ST6GALNAC3: variants seen among roughly 807,000 people sequenced by gnomAD.
ST6GALNAC3 encodes the protein ST6 N-acetylgalactosaminide alpha-2,6-sialyltransferase 3, also known as alpha-N-acetylgalactosaminide alpha-2,6-sialyltransferase 3.
ST6GALNAC3 carries 25 observed loss-of-function variants against 32.7 expected under a neutral mutation model. The ratio of observed to expected loss-of-function variants is 0.76; its 90% CI spans 0.56 to 1.07. ST6GALNAC3 has a LOEUF of 1.07. ST6GALNAC3 is among the 50% of genes least tolerant of loss of function. ST6GALNAC3 has a pLI of 0.00. For synonymous variants in ST6GALNAC3, 129 were observed against 133.1 expected, an observed-to-expected ratio of 0.97 and a Z score of 0.21; for missense variants, 355 against 382.4, an observed-to-expected ratio of 0.93 and a Z score of 0.60.
intron 1 of ST6GALNAC3, among the ~76,000 whole-genome samples, chr1:76,211,240 C>A (rs1266621383): frequency 6.6e-6 from 1 of 152,176 alleles, no homozygotes; most frequent in African/African-American, 2.4e-5. Flanking sequence ...AATGAGATAC[C>A]ATCTCACACC....
chr1:76,402,841 G>T (rs1339853506), intron 2 of ST6GALNAC3, among the ~76,000 whole-genome samples: 1 of 151,890 alleles, frequency 6.6e-6, no homozygotes, highest in Non-Finnish European at 1.5e-5. Flanking sequence ...TTGATTCATT[G>T]TTCCTGTTTC....
At chr1:76,473,530 AT>A (rs1313881883) in intron 3 of ST6GALNAC3, among the ~76,000 whole-genome samples, 1 of 152,150 alleles carries the variant, frequency 6.6e-6, no homozygotes, top group Non-Finnish European at 1.5e-5. Context: ...TTTCCTATAC[AT>A]TTGCAGTGCT....
At chr1:76,395,136 G>A (rs140147108) in intron 2 of ST6GALNAC3, among the ~76,000 whole-genome samples, 17 of 152,032 alleles carry the variant, frequency 1.1e-4, no homozygotes, top group African/African-American at 3.1e-4. Flanking sequence ...TCATAAATTC[G>A]AGTTCCAAAA....
In ST6GALNAC3 at chr1:76,559,001, T is replaced by TACTTG. The variant is rs577065650; in HGVS notation, c.624-68447_624-68446insGACTT. Among the ~76,000 whole-genome samples the TACTTG allele has an allele frequency of 3.4e-3, 515 of 152,284 alleles. 7 individuals are homozygous for TACTTG. The highest frequency in any genetic ancestry group is 0.011 in the African/African-American group (478 of 41,582). Reference sequence around the variant, plus strand: ...TTCAGTAAAGCTAAAATTACTTAAATACTTCTGAAATTATTTTCCTTCCTG... The same window carrying TACTTG: ...TTCAGTAAAGCTAAAATTACTTAAATACTTGACTTCTGAAATTATTTTCCTTCCTG... On this transcript the variant is annotated intron_variant, in intron 3 of 4. Transcript: ENST00000328299.
At chr1:76,123,785 T>C (rs968931538) in intron 1 of ST6GALNAC3, among the ~76,000 whole-genome samples, 1 of 133,656 alleles carries the variant, frequency 7.5e-6, no homozygotes, top group African/African-American at 2.9e-5. Context: ...AGACAGGGTC[T>C]CACTCTGTCA....
At chr1:76,317,996 G>A (rs1039751093) in intron 2 of ST6GALNAC3, among the ~76,000 whole-genome samples, 1 of 152,048 alleles carries the variant, frequency 6.6e-6, no homozygotes, top group Non-Finnish European at 1.5e-5. Flanking sequence ...ATGACAGCCT[G>A]CCCTGAAGGC....
intron 1 of ST6GALNAC3, among the ~76,000 whole-genome samples, chr1:76,097,860 G>C (rs60395474): frequency 0.26 from 39,689 of 151,988 alleles, 5,741 homozygotes; most frequent in Admixed American, 0.34. Flanking sequence ...TGTGTTCCTA[G>C]AAGTGGTATT....
At chr1:76,592,392 C>T (rs1647061978) in intron 3 of ST6GALNAC3, among the ~76,000 whole-genome samples, 1 of 152,104 alleles carries the variant, frequency 6.6e-6, no homozygotes, top group African/African-American at 2.4e-5. Context: ...TGACTGCTGA[C>T]ACCATTCATT....
At chr1:76,340,971 A>G (rs544980562) in intron 2 of ST6GALNAC3, among the ~76,000 whole-genome samples, 10 of 151,930 alleles carry the variant, frequency 6.6e-5, no homozygotes, top group African/African-American at 2.4e-4. Context: ...GGTATTTTGT[A>G]TATTAATTGG....
intron 1 of ST6GALNAC3, among the ~76,000 whole-genome samples, chr1:76,193,642 C>T (rs994383054): frequency 9.2e-5 from 14 of 152,122 alleles, no homozygotes; most frequent in Non-Finnish European, 1.8e-4. Flanking sequence ...GCTTATGATG[C>T]ACCAGGGACT....
chr1:76,094,243 C>T (rs146309134), intron 1 of ST6GALNAC3, among the ~76,000 whole-genome samples: 19 of 151,960 alleles, frequency 1.3e-4, no homozygotes, highest in African/African-American at 4.1e-4. Flanking sequence ...ATCACGGAGG[C>T]GAGGGAGATC....
chr1:76,178,143 G>C (rs1215623201), intron 1 of ST6GALNAC3, among the ~76,000 whole-genome samples: 2 of 152,208 alleles, frequency 1.3e-5, no homozygotes, highest in African/African-American at 2.4e-5. Context: ...CTCTGCCTCA[G>C]GACACAAACA....
intron 1 of ST6GALNAC3, among the ~76,000 whole-genome samples, chr1:76,204,593 A>G (rs951146946): frequency 1.3e-5 from 2 of 152,188 alleles, no homozygotes; most frequent in African/African-American, 2.4e-5. Context: ...CTGGATATCC[A>G]GAAGCAGTGT....
At chr1:76,440,912 A>G (rs1358455100) in intron 3 of ST6GALNAC3, among the ~76,000 whole-genome samples, 1 of 152,050 alleles carries the variant, frequency 6.6e-6, no homozygotes, top group Non-Finnish European at 1.5e-5. Flanking sequence ...ACATGGCAAA[A>G]CCCAGTCTCT....
At chr1:76,290,508 C>T (rs970712325) in intron 1 of ST6GALNAC3, among the ~76,000 whole-genome samples, 4 of 152,092 alleles carry the variant, frequency 2.6e-5, no homozygotes, top group Admixed American at 6.5e-5. Context: ...ACCACAGCTA[C>T]GAATGCCACC....
chr1:76,391,479 A>G (rs1399758317), intron 2 of ST6GALNAC3, among the ~76,000 whole-genome samples: 1 of 152,144 alleles, frequency 6.6e-6, no homozygotes, highest in Non-Finnish European at 1.5e-5. Context: ...ACATTTGGAT[A>G]ATTGAATGTT....
At chr1:76,450,743 A>G (rs1008540721) in intron 3 of ST6GALNAC3, among the ~76,000 whole-genome samples, 13 of 152,152 alleles carry the variant, frequency 8.5e-5, no homozygotes, top group Non-Finnish European at 1.6e-4. Flanking sequence ...GTAAGAGATG[A>G]GGATCCAGTT....
intron 3 of ST6GALNAC3, among the ~76,000 whole-genome samples, chr1:76,528,751 G>A (rs992321106): frequency 2.0e-5 from 3 of 151,448 alleles, no homozygotes; most frequent in Non-Finnish European, 2.9e-5. Flanking sequence ...CCACATATAC[G>A]AGTGAGAAAA....
At chr1:76,125,748 T>A (rs1649199366) in intron 1 of ST6GALNAC3, among the ~76,000 whole-genome samples, 1 of 152,212 alleles carries the variant, frequency 6.6e-6, no homozygotes, top group South Asian at 2.1e-4. Context: ...CTTTTGTGAA[T>A]CTGGGGTGAT....
Sources: allele counts gnomAD v4.1 joint callset (sites outside exome capture counted in the v4.1 genomes callset), GRCh38; gene constraint gnomAD v4.1.1; transcripts MANE v1.5; gene names NCBI Gene and HGNC (gene_info 2026-07-23, HGNC 2026-07-21).